The following SCHIP1 variants were observed in gnomAD, a reference collection of about 807,000 sequenced individuals.
SCHIP1 encodes the protein schwannomin interacting protein 1.
SCHIP1 carries 8 observed loss-of-function variants against 29.7 expected under a neutral mutation model. The observed-to-expected ratio is 0.27, with a 90% confidence interval of 0.16 to 0.49. The LOEUF is 0.49. SCHIP1 is among the 20% of genes least tolerant of loss of function. The pLI is 0.99. For missense variants in SCHIP1, 193 were observed against 294.6 expected, an observed-to-expected ratio of 0.66 and a Z score of 2.52; for synonymous variants, 76 against 94.9, an observed-to-expected ratio of 0.80 and a Z score of 1.16.
the SCHIP1 span, among the ~76,000 whole-genome samples, chr3:159,487,782 A>G: frequency 5.4e-4 from 82 of 152,310 alleles, no homozygotes; most frequent in African/African-American, 1.6e-3. Flanking sequence ...TCTTAGTATG[A>G]AAGTTCCCCT....
At chr3:159,498,670 A>C in the SCHIP1 span, among the ~76,000 whole-genome samples, 1 of 148,518 alleles carries the variant, frequency 6.7e-6, no homozygotes, top group East Asian at 2.0e-4. Context: ...ACTTTGCCTA[A>C]AAAAAAAAAA....
chr3:159,694,388 C>T, the SCHIP1 span, among the ~76,000 whole-genome samples: 6,744 of 151,812 alleles, frequency 0.044, 520 homozygotes, highest in African/African-American at 0.16. Context: ...GGCATGGTGG[C>T]GGGTGCCTGT....
the SCHIP1 span, chr3:159,273,778 C>CAACT: frequency 1.2e-6 from 2 of 1,608,768 alleles, no homozygotes; most frequent in African/African-American, 2.7e-5. Context: ...TTTGAATAAA[C>CAACT]AACTCTTCCC....
At chr3:159,710,820 A>G in the SCHIP1 span, among the ~76,000 whole-genome samples, 8 of 152,358 alleles carry the variant, frequency 5.3e-5, no homozygotes, top group Middle Eastern at 6.8e-3. Flanking sequence ...AAAACAGGAT[A>G]GTAACCATGA....
the SCHIP1 span, among the ~76,000 whole-genome samples, chr3:159,828,259 T>C: frequency 6.6e-6 from 1 of 150,958 alleles, no homozygotes; most frequent in East Asian, 1.9e-4. Flanking sequence ...TGCAGTCAAG[T>C]CCAGAACCAG....
chr3:159,830,457 T>A, the SCHIP1 span, among the ~76,000 whole-genome samples: 3 of 152,230 alleles, frequency 2.0e-5, no homozygotes, highest in African/African-American at 7.2e-5. Context: ...GAAACTATTT[T>A]TTTCATATAA....
At chr3:159,534,907 C>A in the SCHIP1 span, among the ~76,000 whole-genome samples, 1 of 152,138 alleles carries the variant, frequency 6.6e-6, no homozygotes, top group Non-Finnish European at 1.5e-5. Context: ...TTTATCCACT[C>A]CCCAACCCAA....
the SCHIP1 span, among the ~76,000 whole-genome samples, chr3:159,559,546 AT>A: frequency 3.9e-5 from 6 of 152,228 alleles, no homozygotes; most frequent in South Asian, 1.2e-3. Flanking sequence ...TTGCTTATAG[AT>A]TTTAATGCAA....
chr3:159,840,182 G>A (rs1377806749), exon 1 of SCHIP1: 2 of 1,535,644 alleles, frequency 1.3e-6, no homozygotes, highest in African/African-American at 1.4e-5. Flanking sequence ...AGGATGCACT[G>A]AGATGGTACA....
chr3:159,336,853 A>G, the SCHIP1 span, among the ~76,000 whole-genome samples: 2 of 152,150 alleles, frequency 1.3e-5, no homozygotes, highest in African/African-American at 2.4e-5. Context: ...TGTGAACTTT[A>G]AAGTAGTTTT....
the SCHIP1 span, among the ~76,000 whole-genome samples, chr3:159,443,797 G>A: frequency 6.6e-5 from 10 of 152,216 alleles, no homozygotes; most frequent in Middle Eastern, 0.01. Flanking sequence ...ATGAGCCATC[G>A]CACCCAGCCT....
the SCHIP1 span, among the ~76,000 whole-genome samples, chr3:159,804,210 T>C: frequency 3.3e-5 from 5 of 152,148 alleles, no homozygotes; most frequent in African/African-American, 4.8e-5. Context: ...CCCACTCTTT[T>C]AGAGCTCTGA....
At chr3:159,485,041 CAG>C in the SCHIP1 span, among the ~76,000 whole-genome samples, 1 of 152,166 alleles carries the variant, frequency 6.6e-6, no homozygotes. Context: ...GAACAAGCGC[CAG>C]ACTTTTCTAC....
chr3:159,871,777 T>A (rs1715317007), intron 2 of SCHIP1, among the ~76,000 whole-genome samples: 1 of 147,220 alleles, frequency 6.8e-6, no homozygotes, highest in Non-Finnish European at 1.5e-5. Flanking sequence ...TTGATTTCAG[T>A]AAAGCATCTC....
the SCHIP1 span, among the ~76,000 whole-genome samples, chr3:159,355,718 T>C: frequency 6.6e-6 from 1 of 152,020 alleles, no homozygotes; most frequent in Non-Finnish European, 1.5e-5. Flanking sequence ...CTCCCTGTGG[T>C]TACCAAGTCT....
the SCHIP1 span, among the ~76,000 whole-genome samples, chr3:159,535,495 G>T: frequency 6.6e-6 from 1 of 152,126 alleles, no homozygotes; most frequent in Non-Finnish European, 1.5e-5. Flanking sequence ...GCTCAAATGT[G>T]CCTCTCTGGT....
chr3:159,698,731 T>G, the SCHIP1 span, among the ~76,000 whole-genome samples: 1 of 152,098 alleles, frequency 6.6e-6, no homozygotes, highest in Non-Finnish European at 1.5e-5. Context: ...CTCCACCTCC[T>G]GGGTTCAAGC....
At chr3:159,283,882 G>T in the SCHIP1 span, among the ~76,000 whole-genome samples, 5 of 152,182 alleles carry the variant, frequency 3.3e-5, no homozygotes, top group African/African-American at 1.2e-4. Context: ...GATGCGATGA[G>T]TTATGGTCTG....
the SCHIP1 span, among the ~76,000 whole-genome samples, chr3:159,678,844 C>CG: frequency 2.6e-5 from 4 of 152,158 alleles, no homozygotes; most frequent in Non-Finnish European, 5.9e-5. Flanking sequence ...TAAGGAAAGG[C>CG]GGGGGAAACC....
Sources: allele counts gnomAD v4.1 joint callset (sites outside exome capture counted in the v4.1 genomes callset), GRCh38; gene constraint gnomAD v4.1.1; transcripts MANE v1.5; gene names NCBI Gene and HGNC (gene_info 2026-07-23, HGNC 2026-07-21).